Variants in KSR2 observed in about 807,000 individuals in gnomAD.
The protein encoded by KSR2 is kinase suppressor of ras 2.
Under a neutral mutation model 107.8 loss-of-function variants are expected in KSR2, and 25 were observed. The ratio of observed to expected loss-of-function variants is 0.23; its 90% confidence interval spans 0.17 to 0.32. The LOEUF (loss-of-function observed/expected upper bound fraction) is 0.32. KSR2 is among the 10% of genes least tolerant of loss of function. The probability of loss-of-function intolerance (pLI) is 1.00; values close to 1 mark genes in which losing one functional copy is unlikely to be tolerated. For synonymous variants in KSR2, 480 were observed against 507.0 expected, an observed-to-expected ratio of 0.95 and a Z score of 0.71; for missense variants, 887 against 1,268.9, an observed-to-expected ratio of 0.70 and a Z score of 4.57.
chr12:117,537,570 C>G (rs945106071), intron 10 of KSR2, among the ~76,000 whole-genome samples: 11 of 152,158 alleles, frequency 7.2e-5, no homozygotes, highest in African/African-American at 2.7e-4. Context: ...AACACTGAGG[C>G]CCAGAGAGGC....
intron 5 of KSR2, among the ~76,000 whole-genome samples, chr12:117,665,627 A>C (rs1447658920): frequency 1.3e-5 from 2 of 152,212 alleles, no homozygotes; most frequent in African/African-American, 4.8e-5. Context: ...CACAGGCTGT[A>C]AATGCTTCAA....
intron 14 of KSR2, among the ~76,000 whole-genome samples, chr12:117,486,264 T>C (rs1435974692): frequency 6.6e-6 from 1 of 152,212 alleles, no homozygotes. Context: ...TTCAGCCTCA[T>C]TGAGTTCATT....
intron 4 of KSR2, among the ~76,000 whole-genome samples, chr12:117,711,773 C>T (rs775433836): frequency 1.3e-5 from 2 of 152,198 alleles, no homozygotes; most frequent in African/African-American, 4.8e-5. Context: ...TAAGCTCTTG[C>T]AGAGATGCCC....
chr12:117,484,350 A>T (rs1872337277), intron 16 of KSR2, 66 bp downstream of exon 16: 1 of 1,583,748 alleles, frequency 6.3e-7, no homozygotes, highest in Non-Finnish European at 8.6e-7. Flanking sequence ...AGCCATTTGG[A>T]CTAACTTCCC....
intron 5 of KSR2, among the ~76,000 whole-genome samples, chr12:117,658,887 T>G (rs1448242976): frequency 6.6e-6 from 1 of 152,124 alleles, no homozygotes; most frequent in Non-Finnish European, 1.5e-5. Flanking sequence ...CGTTATGGTT[T>G]TTAGTCTTGC....
chr12:117,848,719 G>C (rs1566048046), intron 3 of KSR2, among the ~76,000 whole-genome samples: 1 of 129,802 alleles, frequency 7.7e-6, no homozygotes, highest in Admixed American at 8.0e-5. Flanking sequence ...AAGTGAGCTG[G>C]GGGAAGAAAA....
At chr12:117,628,622 A>G (rs1882652500) in intron 5 of KSR2, among the ~76,000 whole-genome samples, 1 of 152,110 alleles carries the variant, frequency 6.6e-6, no homozygotes, top group Admixed American at 6.5e-5. Context: ...GTTGTCCCCT[A>G]CTGGGAGGTG....
chr12:117,713,403 T>C (rs1267451229), intron 4 of KSR2, among the ~76,000 whole-genome samples: 1 of 152,190 alleles, frequency 6.6e-6, no homozygotes, highest in African/African-American at 2.4e-5. Flanking sequence ...TGCTTCTGTC[T>C]CTTTGGGGAA....
At chr12:117,891,360 G>A (rs988005764) in intron 1 of KSR2, among the ~76,000 whole-genome samples, 2 of 151,732 alleles carry the variant, frequency 1.3e-5, no homozygotes, top group African/African-American at 4.8e-5. Flanking sequence ...AGGTTACAGT[G>A]AGCCAAGATT....
At chr12:117,888,339 G>A (rs1894240078) in intron 1 of KSR2, among the ~76,000 whole-genome samples, 1 of 151,998 alleles carries the variant, frequency 6.6e-6, no homozygotes, top group Admixed American at 6.6e-5. Context: ...CTCTCCAAAA[G>A]GACAAATACT....
At chr12:117,906,006 G>A (rs1194250304) in intron 1 of KSR2, among the ~76,000 whole-genome samples, 2 of 151,938 alleles carry the variant, frequency 1.3e-5, no homozygotes, top group African/African-American at 4.8e-5. Flanking sequence ...CCAAGTATGA[G>A]CCAGGCACTG....
At chr12:117,892,515 A>G (rs936308929) in intron 1 of KSR2, among the ~76,000 whole-genome samples, 7 of 151,974 alleles carry the variant, frequency 4.6e-5, no homozygotes, top group African/African-American at 9.7e-5. Flanking sequence ...ATTTTTTCCC[A>G]TACTGGCTTC....
At chr12:117,885,502 C>G (rs773038999) in intron 1 of KSR2, among the ~76,000 whole-genome samples, 4 of 152,072 alleles carry the variant, frequency 2.6e-5, no homozygotes, top group Non-Finnish European at 4.4e-5. Context: ...GGGGTTATCT[C>G]TGGGGAAAAG....
chr12:117,700,048 CT>C (rs370253048), intron 4 of KSR2, among the ~76,000 whole-genome samples: 109 of 143,556 alleles, frequency 7.6e-4, no homozygotes, highest in African/African-American at 8.5e-4. Flanking sequence ...AATTTTGGTA[CT>C]TTTTTTTTTT....
chr12:117,527,002 C>G, intron 13 of KSR2, 69 bp downstream of exon 13: 1 of 1,343,112 alleles, frequency 7.4e-7, no homozygotes, highest in Non-Finnish European at 1.1e-6. Flanking sequence ...TCATCCAAAA[C>G]GTCAGTCGGC....
intron 14 of KSR2, chr12:117,517,776 T>G: frequency 2.2e-6 from 1 of 446,796 alleles, no homozygotes; most frequent in Admixed American, 2.5e-5. Flanking sequence ...CCGCTTCCAC[T>G]CGATGATGGG....
At chr12:117,948,770 A>G (rs2137560992) in intron 1 of KSR2, among the ~76,000 whole-genome samples, 1 of 152,272 alleles carries the variant, frequency 6.6e-6, no homozygotes. Flanking sequence ...AGGTTGGTGC[A>G]AAAGTAATTG....
At position 117,961,251 on chromosome 12, in the gene KSR2, C is replaced by T. The variant is rs574046529; in HGVS notation, c.180+6825G>A. ...GCTTTGTCTTCTCTGCACTTTCTCC[C>T]CCTTCTAGATGCACCAATGATAATG... On this transcript the variant is annotated intron_variant, in intron 1 of 19. Transcript: ENST00000339824. Among the ~76,000 whole-genome samples the T allele has an allele frequency of 2.0e-5, 3 of 152,270 alleles. No individual in the cohort carries two copies. The South Asian group carries it at 6.2e-4, about 32-fold the overall frequency.
At chr12:117,896,658 C>T (rs1001706160) in intron 1 of KSR2, among the ~76,000 whole-genome samples, 4 of 152,200 alleles carry the variant, frequency 2.6e-5, no homozygotes, top group South Asian at 2.1e-4. Context: ...TGAGGTTTCA[C>T]CACATTGGCC....
Sources: allele counts gnomAD v4.1 joint callset (sites outside exome capture counted in the v4.1 genomes callset), GRCh38; gene constraint gnomAD v4.1.1; transcripts MANE v1.5; gene names NCBI Gene and HGNC (gene_info 2026-07-23, HGNC 2026-07-21).